GMDS: variants seen among roughly 807,000 people sequenced by gnomAD.
GMDS encodes GDP-mannose 4,6-dehydratase.
A neutral mutation model predicts 49.9 loss-of-function variants in GMDS; 20 were observed. The ratio of observed to expected loss-of-function variants is 0.40; its 90% CI spans 0.28 to 0.58. The LOEUF (loss-of-function observed/expected upper bound fraction) is 0.58. Among genes scored for constraint, GMDS ranks in the 20% least tolerant of loss-of-function variants. GMDS has a pLI of 0.42. For synonymous variants in GMDS, 177 were observed against 178.6 expected (o/e 0.99, Z 0.07); for missense variants, 362 against 481.4 (o/e 0.75, Z 2.32).
At chr6:1,807,720 C>T (rs2113672694) in intron 7 of GMDS, among the ~76,000 whole-genome samples, 1 of 152,322 alleles carries the variant, frequency 6.6e-6, no homozygotes, top group South Asian at 2.1e-4. Flanking sequence ...TAATCTCCAT[C>T]CCTATCTCAC....
chr6:2,205,480 T>G (rs1258290195), intron 1 of GMDS, among the ~76,000 whole-genome samples: 1 of 152,228 alleles, frequency 6.6e-6, no homozygotes, highest in Non-Finnish European at 1.5e-5. Context: ...AGCGTGGCCC[T>G]CTGGAGTAGC....
chr6:2,224,640 G>GA lies in GMDS; in HGVS notation c.102+20680dup, dbSNP rs3839613. ...TACAAGTTTGGTATTATGTCTCAGAGAAAAAAAATCATAAGTATAGCATTT... is the reference window on the plus strand; with the variant it reads ...TACAAGTTTGGTATTATGTCTCAGAGAAAAAAAAATCATAAGTATAGCATTT... On this transcript the variant is annotated intron_variant, in intron 1 of 10. Transcript: ENST00000380815. Among the ~76,000 whole-genome samples the GA allele has an allele frequency of 2.2e-4, 34 of 151,940 alleles. 1 individual carries two copies. In the East Asian group the frequency reaches 6.0e-3, roughly 27 times the overall value.
At chr6:1,825,940 T>C (rs1376142717) in intron 7 of GMDS, among the ~76,000 whole-genome samples, 1 of 152,102 alleles carries the variant, frequency 6.6e-6, no homozygotes, top group Non-Finnish European at 1.5e-5. Context: ...CACTTGAACC[T>C]AGGAGGGGGA....
At chr6:1,753,812 C>T (rs1301958259) in intron 7 of GMDS, among the ~76,000 whole-genome samples, 1 of 152,054 alleles carries the variant, frequency 6.6e-6, no homozygotes, top group Non-Finnish European at 1.5e-5. Flanking sequence ...TAGGGCAGAA[C>T]TAAATAAGTT....
chr6:1,790,279 C>CAAT (rs1469976638), intron 7 of GMDS, among the ~76,000 whole-genome samples: 2 of 152,072 alleles, frequency 1.3e-5, no homozygotes, highest in East Asian at 1.9e-4. Context: ...CAATAATTAG[C>CAAT]AATAATAATA....
chr6:1,694,905 T>A (rs1455201296), intron 9 of GMDS, among the ~76,000 whole-genome samples: 1 of 152,210 alleles, frequency 6.6e-6, no homozygotes, highest in Non-Finnish European at 1.5e-5. Context: ...GAGCCAACCC[T>A]GCTTTGGAAG....
intron 1 of GMDS, among the ~76,000 whole-genome samples, chr6:2,153,131 G>A (rs1284096879): frequency 6.6e-6 from 1 of 152,046 alleles, no homozygotes; most frequent in East Asian, 1.9e-4. Flanking sequence ...AATTATGCTT[G>A]GAAACAACAT....
chr6:2,088,170 ACAGT>A (rs1036242113), intron 4 of GMDS, among the ~76,000 whole-genome samples: 5 of 152,224 alleles, frequency 3.3e-5, no homozygotes, highest in African/African-American at 1.2e-4. Flanking sequence ...ATGGAAGAAA[ACAGT>A]CAGTGTTTTG....
At chr6:2,109,674 C>T (rs1267527121) in intron 4 of GMDS, among the ~76,000 whole-genome samples, 1 of 152,216 alleles carries the variant, frequency 6.6e-6, no homozygotes, top group Admixed American at 6.5e-5. Context: ...ATTTGATAAC[C>T]TTGCCTGGAC....
chr6:1,887,229 A>G (rs1759651657), intron 7 of GMDS, among the ~76,000 whole-genome samples: 2 of 152,108 alleles, frequency 1.3e-5, no homozygotes, highest in Non-Finnish European at 2.9e-5. Context: ...TTTAGAGATG[A>G]CAACGCATAC....
intron 7 of GMDS, among the ~76,000 whole-genome samples, chr6:1,864,823 G>C (rs1255737883): frequency 6.6e-6 from 1 of 152,202 alleles, no homozygotes; most frequent in Middle Eastern, 3.2e-3. Flanking sequence ...AGGCTGAGCT[G>C]AGCAGCAAAC....
chr6:1,776,712 G>A (rs1768849694), intron 7 of GMDS, among the ~76,000 whole-genome samples: 1 of 152,160 alleles, frequency 6.6e-6, no homozygotes, highest in Admixed American at 6.5e-5. Context: ...CATCACTTGA[G>A]AGTGAAATAT....
At chr6:2,107,272 T>C (rs1391762466) in intron 4 of GMDS, among the ~76,000 whole-genome samples, 2 of 152,222 alleles carry the variant, frequency 1.3e-5, no homozygotes, top group African/African-American at 4.8e-5. Context: ...AAATTCTTAA[T>C]GGACTATAAA....
intron 4 of GMDS, among the ~76,000 whole-genome samples, chr6:2,003,677 C>T (rs1472994565): frequency 6.6e-6 from 1 of 152,132 alleles, no homozygotes; most frequent in Admixed American, 6.5e-5. Context: ...GAGTACAAAA[C>T]AGTTAAATTT....
chr6:1,652,671 TAATATATATTATTTATATATAATATA>T (rs1763737542), intron 9 of GMDS, among the ~76,000 whole-genome samples: 1 of 21,358 alleles, frequency 4.7e-5, no homozygotes, highest in African/African-American at 1.7e-4. Flanking sequence ...ATAATATATA[TAATATATATTATTTATATATAATATA>T]TTATATATAT....
chr6:2,094,904 T>C (rs897565226), intron 4 of GMDS, among the ~76,000 whole-genome samples: 1 of 152,210 alleles, frequency 6.6e-6, no homozygotes, highest in Non-Finnish European at 1.5e-5. Flanking sequence ...CATTTCTTGA[T>C]GTGTTAAACC....
intron 4 of GMDS, among the ~76,000 whole-genome samples, chr6:1,996,511 T>A (rs1437232590): frequency 6.6e-6 from 1 of 152,222 alleles, no homozygotes; most frequent in Non-Finnish European, 1.5e-5. Flanking sequence ...TTCACTTACA[T>A]AAGTCTGCTG....
At chr6:1,914,131 G>GTTTTTTTT (rs563808537) in intron 7 of GMDS, among the ~76,000 whole-genome samples, 10 of 77,850 alleles carry the variant, frequency 1.3e-4, no homozygotes, top group East Asian at 3.9e-4. Context: ...TTTTTTGTTT[G>GTTTTTTTT]TTTTTTTTTT....
intron 7 of GMDS, among the ~76,000 whole-genome samples, chr6:1,753,117 G>A (rs1028093778): frequency 2.6e-5 from 4 of 152,072 alleles, no homozygotes; most frequent in Non-Finnish European, 4.4e-5. Context: ...AAGACCCATC[G>A]GTGTGCTGTA....
Sources: allele counts gnomAD v4.1 joint callset (sites outside exome capture counted in the v4.1 genomes callset), GRCh38; gene constraint gnomAD v4.1.1; transcripts MANE v1.5; gene names NCBI Gene and HGNC (gene_info 2026-07-23, HGNC 2026-07-21).